Variants in KLHL13 observed in about 807,000 individuals in gnomAD.
KLHL13 encodes kelch-like protein 13.
KLHL13 carries 10 observed loss-of-function variants against 37.1 expected under a neutral mutation model. The ratio of observed to expected loss-of-function variants is 0.27; its 90% CI spans 0.17 to 0.46. The LOEUF (loss-of-function observed/expected upper bound fraction) is 0.46, where lower values mean the gene tolerates loss of function less well. Among genes scored for constraint, KLHL13 ranks in the 20% least tolerant of loss-of-function variants. The pLI, the probability that KLHL13 is intolerant of heterozygous loss-of-function variation, is 1.00. For missense variants in KLHL13, 360 were observed against 509.3 expected (o/e 0.71, Z 2.82); for synonymous variants, 163 against 181.2 (o/e 0.90, Z 0.81).
intron 1 of KLHL13, among the ~76,000 whole-genome samples, chrX:118,049,740 C>T (rs1008692950): frequency 7.2e-5 from 8 of 111,761 alleles, no homozygotes; most frequent in Admixed American, 9.5e-5. Flanking sequence ...TGCCTGGTTT[C>T]CCCTTGACCA....
intron 1 of KLHL13, among the ~76,000 whole-genome samples, chrX:118,045,366 T>A (rs1418318279): frequency 2.6e-5 from 1 of 38,428 alleles, no homozygotes; most frequent in Non-Finnish European, 5.1e-5. Flanking sequence ...AGAGCAAGAC[T>A]CCATCAAAAA....
At chrX:117,917,256 G>A (rs1400605425) in intron 4 of KLHL13, among the ~76,000 whole-genome samples, 2 of 111,332 alleles carry the variant, frequency 1.8e-5, no homozygotes, top group Non-Finnish European at 3.8e-5. Context: ...GGACAAGTAA[G>A]GTAGAATAAT....
intron 1 of KLHL13, among the ~76,000 whole-genome samples, chrX:118,075,549 G>T (rs1216861227): frequency 9.0e-6 from 1 of 111,669 alleles, no homozygotes; most frequent in Non-Finnish European, 1.9e-5. Context: ...TAGAATGGAT[G>T]CAGGAGTGAA....
rs192871257 is a variant in KLHL13 at position 118,019,190 on chromosome X, A to T, written c.-55-73615T>A. 6.3e-5 allele frequency among the ~76,000 whole-genome samples: 7 copies of T among 111,139 alleles called. No individual in the cohort carries two copies. In the East Asian group the frequency reaches 1.4e-3, roughly 22 times the overall value. ...CCTAACTGCAAATTTTCATGCTTTG[A>T]CCTTCTTCTTCCCATTTCTTCCCAC... is the stretch of plus-strand genomic sequence containing the variant. On this transcript the variant is annotated intron_variant, in intron 1 of 6. Transcript: ENST00000371882.
intron 1 of KLHL13, among the ~76,000 whole-genome samples, chrX:118,077,969 CAG>C (rs1193210204): frequency 8.9e-6 from 1 of 111,963 alleles, no homozygotes; most frequent in Admixed American, 9.5e-5. Context: ...TTCCTAGAAA[CAG>C]TGGATATTAT....
chrX:118,045,706 A>G (rs2054553149), intron 1 of KLHL13, among the ~76,000 whole-genome samples: 1 of 110,861 alleles, frequency 9.0e-6, no homozygotes, highest in Non-Finnish European at 1.9e-5. Context: ...CTACTCAGGA[A>G]GCTGACAAGA....
intron 1 of KLHL13, among the ~76,000 whole-genome samples, chrX:118,002,437 T>A (rs1025300011): frequency 9.2e-6 from 1 of 108,276 alleles, no homozygotes. Flanking sequence ...CTACTAAAAA[T>A]ACAAAATTAG....
chrX:117,943,707 T>A (rs2147796178), intron 2 of KLHL13, among the ~76,000 whole-genome samples: 1 of 109,391 alleles, frequency 9.1e-6, no homozygotes, highest in South Asian at 4.0e-4. Flanking sequence ...CTAAACTGGT[T>A]ATTCTAGTTA....
intron 1 of KLHL13, among the ~76,000 whole-genome samples, chrX:118,077,971 G>A (rs1333619633): frequency 8.9e-6 from 1 of 112,293 alleles, no homozygotes; most frequent in African/African-American, 3.2e-5. Flanking sequence ...CCTAGAAACA[G>A]TGGATATTAT....
chrX:118,085,838 T>C (rs1270610695), intron 1 of KLHL13, among the ~76,000 whole-genome samples: 1 of 104,525 alleles, frequency 9.6e-6, no homozygotes, highest in African/African-American at 3.7e-5. Flanking sequence ...TGTGTGTGTG[T>C]GTGTATCATA....
intron 1 of KLHL13, chrX:117,948,076 A>C (rs750508653): frequency 8.9e-6 from 1 of 112,113 alleles, no homozygotes; most frequent in South Asian, 3.7e-4. Context: ...CATGATTCAT[A>C]ATGTCTGCAG....
intron 1 of KLHL13, among the ~76,000 whole-genome samples, chrX:118,022,052 T>A (rs936986556): frequency 4.5e-5 from 5 of 112,271 alleles, no homozygotes; most frequent in African/African-American, 1.6e-4. Flanking sequence ...AAGTGTCTGT[T>A]CATATCCTTC....
intron 1 of KLHL13, among the ~76,000 whole-genome samples, chrX:118,074,610 G>A (rs958545741): frequency 9.0e-6 from 1 of 111,536 alleles, no homozygotes; most frequent in African/African-American, 3.3e-5. Context: ...TTCCACTGGC[G>A]ATTTTGTAAG....
chrX:118,079,665 T>C (rs1023524128), intron 1 of KLHL13, among the ~76,000 whole-genome samples: 1 of 110,959 alleles, frequency 9.0e-6, no homozygotes, highest in Non-Finnish European at 1.9e-5. Flanking sequence ...TGGAAAAACA[T>C]TCCATTCTCA....
chrX:117,922,412 AGT>A (rs1301643992), intron 2 of KLHL13, among the ~76,000 whole-genome samples: 1 of 111,747 alleles, frequency 8.9e-6, no homozygotes, highest in Admixed American at 9.5e-5. Context: ...TGAATTCCCC[AGT>A]GTTTGGCATA....
chrX:118,061,662 G>A (rs998003056), intron 1 of KLHL13, among the ~76,000 whole-genome samples: 3 of 111,564 alleles, frequency 2.7e-5, no homozygotes, highest in Non-Finnish European at 5.7e-5. Context: ...TAGTATAATA[G>A]TGCAGTTACT....
chrX:118,033,797 A>G (rs1164312084), intron 1 of KLHL13, among the ~76,000 whole-genome samples: 4 of 110,487 alleles, frequency 3.6e-5, no homozygotes, highest in African/African-American at 1.3e-4. Flanking sequence ...CAGACTGGCA[A>G]ATTGGATAAA....
intron 2 of KLHL13, among the ~76,000 whole-genome samples, chrX:117,931,221 C>T (rs927710388): frequency 1.8e-5 from 2 of 111,819 alleles, no homozygotes; most frequent in Non-Finnish European, 3.8e-5. Flanking sequence ...GAGGAAAACA[C>T]AAAAAGAGCA....
At chrX:117,923,199 T>C (rs748353220) in intron 2 of KLHL13, among the ~76,000 whole-genome samples, 7 of 112,010 alleles carry the variant, frequency 6.2e-5, no homozygotes, top group Non-Finnish European at 1.1e-4. Context: ...GCTGTCTAAG[T>C]ATATCTGTGG....
Sources: gnomAD v4.1 joint callset for allele counts (sites outside exome capture counted in the v4.1 genomes callset) on GRCh38, gnomAD v4.1.1 for gene constraint, MANE v1.5 for transcripts, NCBI Gene and HGNC (gene_info 2026-07-23, HGNC 2026-07-21) for gene names.